Variants in IL31RA observed in about 807,000 individuals in gnomAD.
The protein encoded by IL31RA is interleukin 31 receptor A.
IL31RA carries 66 observed loss-of-function variants against 83.7 expected under a neutral mutation model. The observed-to-expected ratio is 0.79, with a 90% CI of 0.65 to 0.97. The LOEUF is 0.97. Ranked by LOEUF, IL31RA falls within the 50% of genes least tolerant of loss-of-function variation. The pLI, the probability that IL31RA is intolerant of heterozygous loss-of-function variation, is 0.00. For missense variants in IL31RA, 798 were observed against 919.4 expected, an observed-to-expected ratio of 0.87 and a Z score of 1.71; for synonymous variants, 325 against 329.0, an observed-to-expected ratio of 0.99 and a Z score of 0.13.
intron 2 of IL31RA, among the ~76,000 whole-genome samples, chr5:55,861,999 G>A (rs533742354): frequency 2.6e-4 from 39 of 152,176 alleles, no homozygotes; most frequent in Non-Finnish European, 4.0e-4. Flanking sequence ...TTCCTCTTGC[G>A]TATGGGAAAT....
chr5:55,887,610 G>A (rs569286830), intron 5 of IL31RA, among the ~76,000 whole-genome samples: 1 of 152,268 alleles, frequency 6.6e-6, no homozygotes, highest in African/African-American at 2.4e-5. Context: ...GGAATGGCCG[G>A]GCACGGTGGC....
chr5:55,909,713 T>TA (rs1382000480), intron 11 of IL31RA, among the ~76,000 whole-genome samples: 2 of 151,804 alleles, frequency 1.3e-5, no homozygotes, highest in Non-Finnish European at 2.9e-5. Context: ...ATATCTTTTT[T>TA]TTTTTTTTGA....
At chr5:55,906,555 C>T (rs543047043) in intron 9 of IL31RA, among the ~76,000 whole-genome samples, 16 of 152,240 alleles carry the variant, frequency 1.1e-4, no homozygotes, top group African/African-American at 3.9e-4. Context: ...GAGTCCTTCC[C>T]GGATAGCTGG....
intron 8 of IL31RA, among the ~76,000 whole-genome samples, chr5:55,905,017 T>C (rs1375773523): frequency 6.6e-6 from 1 of 151,486 alleles, no homozygotes. Context: ...CTGGCCAACA[T>C]GGTGAAACCC....
At chr5:55,844,433 ACACTTC>A in the IL31RA span, among the ~76,000 whole-genome samples, 2 of 152,184 alleles carry the variant, frequency 1.3e-5, no homozygotes, top group Non-Finnish European at 2.9e-5. Flanking sequence ...GGTAAAAGAA[ACACTTC>A]TATTTTTCTT....
intron 2 of IL31RA, among the ~76,000 whole-genome samples, chr5:55,862,438 C>T (rs1745744007): frequency 6.6e-6 from 1 of 152,198 alleles, no homozygotes; most frequent in Admixed American, 6.5e-5. Context: ...GAGTCTCGCT[C>T]TGTCGCCCTG....
upstream of IL31RA, among the ~76,000 whole-genome samples, chr5:55,847,625 C>T (rs1433172214): frequency 6.6e-6 from 1 of 152,146 alleles, no homozygotes; most frequent in African/African-American, 2.4e-5. Context: ...TCCTGAATAC[C>T]CCTTACTGTT....
At position 55,867,211 on chromosome 5, in the gene IL31RA, G is replaced by A. The variant is rs1189646155; in HGVS notation, c.155-1580G>A. ...TGTTTGTGTGTGTTTGTGTGTGTGC[G>A]CATGTGTGTTTGTGTGTGTGTTTGT... On this transcript the variant is annotated intron_variant, in intron 2 of 14. Coordinates refer to ENST00000652347, the MANE Select transcript of IL31RA (RefSeq NM_139017.7). Among the ~76,000 whole-genome samples the A allele has an allele frequency of 2.5e-4, 14 of 56,788 alleles. 1 individual carries two copies. Among genetic ancestry groups the A allele is most frequent in the Non-Finnish European group, 3.8e-4 (11 of 29,016 alleles). 37.3% of individuals were successfully genotyped at this position (56,788 alleles called of 152,430 possible). A position where few individuals can be genotyped will look rare whatever the true frequency, so the allele number is the denominator to read the frequency against.
At chr5:55,879,152 G>A (rs999556607) in intron 4 of IL31RA, among the ~76,000 whole-genome samples, 3 of 152,068 alleles carry the variant, frequency 2.0e-5, no homozygotes, top group South Asian at 2.1e-4. Context: ...GAGACCAGTC[G>A]TTTAGTCTGC....
rs1580757738 is a variant in IL31RA, at chr5:55,921,682, C to T, written c.*4562C>T. Among the ~76,000 whole-genome samples the T allele has an allele frequency of 1.3e-5, 2 of 152,128 alleles. No homozygotes were observed. The highest frequency in any genetic ancestry group is 2.4e-5 in the African/African-American group (1 of 41,412). On this transcript the variant is annotated 3_prime_UTR_variant, in exon 15 of 15. Coordinates refer to ENST00000652347, the MANE Select transcript of IL31RA (RefSeq NM_139017.7). ...TGTGAGCTTGATTTTGTCAATTTAT[C>T]GGGAATAGTTAATGAAACTTTATAG... is the stretch of plus-strand genomic sequence containing the variant.
At chr5:55,916,620 G>C in intron 14 of IL31RA, 24 bp from the exon 15 acceptor site, 2 of 1,603,414 alleles carry the variant, frequency 1.2e-6, no homozygotes, top group Non-Finnish European at 1.7e-6. Context: ...ATGACCACTT[G>C]GGATGTCCCT....
At position 55,886,778 on chromosome 5, in the gene IL31RA, T is replaced by C. The variant is rs138428364; in HGVS notation, c.607-3192T>C. On this transcript the variant is annotated intron_variant, in intron 5 of 14. Transcript: ENST00000652347. ...GTCATTCTGAATTGCTTGTTTCCCT[T>C]GCATCATGTTCTCTCACTCTTTCTG... 2.1e-3 allele frequency among the ~76,000 whole-genome samples: 327 copies of C among 152,350 alleles called. 5 individuals carry two copies. The highest frequency in any genetic ancestry group is 7.3e-3 in the African/African-American group (302 of 41,578).
intron 5 of IL31RA, among the ~76,000 whole-genome samples, chr5:55,885,183 GA>G (rs1169107184): frequency 2.0e-5 from 3 of 151,934 alleles, no homozygotes; most frequent in African/African-American, 7.3e-5. Context: ...GCTATCATGC[GA>G]CCCTTTCCCT....
At chr5:55,840,872 C>T in the IL31RA span, among the ~76,000 whole-genome samples, 1 of 152,318 alleles carries the variant, frequency 6.6e-6, no homozygotes, top group South Asian at 2.1e-4. Flanking sequence ...CCCATTTCTA[C>T]ATCTTTCCTT....
chr5:55,843,912 A>G, the IL31RA span, among the ~76,000 whole-genome samples: 205 of 152,182 alleles, frequency 1.3e-3, no homozygotes, highest in Non-Finnish European at 2.0e-3. Context: ...GTAAAATGCA[A>G]TCTTCCTTCT....
At chr5:55,895,026 A>T (rs1164479855) in intron 6 of IL31RA, among the ~76,000 whole-genome samples, 1 of 152,212 alleles carries the variant, frequency 6.6e-6, no homozygotes, top group East Asian at 1.9e-4. Flanking sequence ...CAGTAATTTT[A>T]CTTTAAGATA....
chr5:55,896,282 T>C, intron 6 of IL31RA, 68 bp from the exon 7 acceptor site: 1 of 1,087,438 alleles, frequency 9.2e-7, no homozygotes, highest in Non-Finnish European at 1.4e-6. Flanking sequence ...ACTGCCCAGC[T>C]AACCTTTCCT....
chr5:55,846,206 A>G, the IL31RA span, among the ~76,000 whole-genome samples: 1 of 152,190 alleles, frequency 6.6e-6, no homozygotes, highest in Non-Finnish European at 1.5e-5. Flanking sequence ...TCTAAGAAGA[A>G]TTGTTGATTT....
chr5:55,859,040 C>A (rs980098295), intron 1 of IL31RA, among the ~76,000 whole-genome samples: 21 of 152,272 alleles, frequency 1.4e-4, no homozygotes, highest in African/African-American at 5.1e-4. Flanking sequence ...GAAGGAGAGC[C>A]TTGAAATGAG....
Sources: gnomAD v4.1 joint callset for allele counts (sites outside exome capture counted in the v4.1 genomes callset) on GRCh38, gnomAD v4.1.1 for gene constraint, MANE v1.5 for transcripts, NCBI Gene and HGNC (gene_info 2026-07-23, HGNC 2026-07-21) for gene names.